The following HERC4 variants were observed in gnomAD, a reference collection of about 807,000 sequenced individuals.
HERC4 encodes probable E3 ubiquitin-protein ligase HERC4.
HERC4 carries 28 observed loss-of-function variants against 124.3 expected under a neutral mutation model. That is an observed-to-expected ratio of 0.23 (90% CI 0.17 to 0.31). The LOEUF (loss-of-function observed/expected upper bound fraction) is 0.31. Among genes scored for constraint, HERC4 ranks in the 10% least tolerant of loss-of-function variants. The pLI, the probability that HERC4 is intolerant of heterozygous loss-of-function variation, is 1.00. For missense variants in HERC4, 713 were observed against 1,229.3 expected (o/e 0.58, Z 6.28); for synonymous variants, 407 against 421.5 (o/e 0.97, Z 0.42).
At chr10:68,048,032 C>A in intron 3 of HERC4, among the ~76,000 whole-genome samples, 1 of 151,978 alleles carries the variant, frequency 6.6e-6, no homozygotes, top group African/African-American at 2.4e-5. Flanking sequence ...AATCCTCCCA[C>A]CTCAGCCTCC....
intron 15 of HERC4, 95 bp downstream of exon 15, chr10:67,988,568 A>C (rs1180601842): frequency 1.2e-6 from 1 of 850,692 alleles, no homozygotes; most frequent in East Asian, 2.9e-5. Context: ...TGTTTTTGCC[A>C]ATCTAAATCT....
chr10:68,029,379 G>T (rs146874002), intron 7 of HERC4, among the ~76,000 whole-genome samples: 2,505 of 151,926 alleles, frequency 0.016, 74 homozygotes, highest in African/African-American at 0.057. Context: ...GTAGTCCCAG[G>T]TACTCAGGAG....
At position 68,018,326 on chromosome 10, in the gene HERC4, A is replaced by G. The variant is rs532307870; in HGVS notation, c.909-4140T>C. Among the ~76,000 whole-genome samples the G allele has an allele frequency of 3.9e-5, 6 of 152,270 alleles. No individual in the cohort carries two copies. In the East Asian group the frequency reaches 1.2e-3, roughly 29 times the overall value. On this transcript the variant is annotated intron_variant, in intron 8 of 24. Coordinates refer to ENST00000373700, the MANE Select transcript of HERC4 (RefSeq NM_015601.4). ...CAGAAAAAACAACATTAAAAACTTA[A>G]CATCCATTCACAATAAAAAAAACTA...
At chr10:68,069,599 T>A (rs1367931468) in intron 3 of HERC4, 1 of 985,262 alleles carries the variant, frequency 1.0e-6, no homozygotes, top group Non-Finnish European at 1.2e-6. Context: ...TTATTATGAA[T>A]CTCGAGAATA....
At chr10:68,038,980 T>C (rs771896969) in intron 4 of HERC4, among the ~76,000 whole-genome samples, 28 of 151,982 alleles carry the variant, frequency 1.8e-4, no homozygotes, top group Non-Finnish European at 7.4e-5. Context: ...GTTACTGTTT[T>C]TCCTGAATGA....
chr10:68,070,959 G>A (rs139661723), intron 3 of HERC4, among the ~76,000 whole-genome samples: 27 of 152,304 alleles, frequency 1.8e-4, no homozygotes, highest in African/African-American at 6.3e-4. Flanking sequence ...GGCTCAAAGT[G>A]CATGGCACAT....
rs151059101 is a variant in HERC4 at position 68,071,293 on chromosome 10, G to A, written c.226+1590C>T. On this transcript the variant is annotated intron_variant, in intron 3 of 24. Transcript: ENST00000373700. ...TCAGAATCTCATCTATACAGTTGGA[G>A]GCTGTTCCTGGCACTATAATCATTA... Among the ~76,000 whole-genome samples, 501 of 152,280 alleles carry A rather than the reference G, an allele frequency of 3.3e-3. 1 individual carries two copies. The highest frequency in any genetic ancestry group is 7.0e-3 in the Admixed American group (107 of 15,300).
intron 15 of HERC4, among the ~76,000 whole-genome samples, chr10:67,983,942 A>C (rs1372118552): frequency 1.3e-5 from 2 of 152,058 alleles, no homozygotes; most frequent in Non-Finnish European, 2.9e-5. Context: ...CAGCCCTGGC[A>C]ATAGAGCAAG....
chr10:67,960,944 G>T, intron 16 of HERC4: 1 of 341,202 alleles, frequency 2.9e-6, no homozygotes, highest in South Asian at 2.7e-5. Flanking sequence ...CAAGTCACTT[G>T]TCTGAACCTC....
At chr10:68,047,226 G>A (rs1170665344) in intron 3 of HERC4, among the ~76,000 whole-genome samples, 2 of 149,546 alleles carry the variant, frequency 1.3e-5, no homozygotes, top group African/African-American at 2.5e-5. Context: ...TCAGTAATTC[G>A]CATGACAAGT....
chr10:68,033,825 T>G, intron 6 of HERC4, 140 bp downstream of exon 6: 1 of 651,632 alleles, frequency 1.5e-6, no homozygotes, highest in South Asian at 2.2e-5. Flanking sequence ...ATTCCCCAAA[T>G]GGAATTTTTA....
intron 3 of HERC4, chr10:68,069,056 A>G (rs1438562386): frequency 2.0e-6 from 2 of 984,614 alleles, no homozygotes; most frequent in Non-Finnish European, 2.4e-6. Flanking sequence ...AGAACAGTTT[A>G]GTACTGTTTC....
At chr10:68,070,992 C>G (rs780841600) in intron 3 of HERC4, among the ~76,000 whole-genome samples, 7 of 152,184 alleles carry the variant, frequency 4.6e-5, no homozygotes, top group Non-Finnish European at 1.0e-4. Flanking sequence ...CCAGTTCTCT[C>G]CAGTTGTTCA....
At chr10:68,011,991 C>T (rs796649008) in intron 9 of HERC4, among the ~76,000 whole-genome samples, 5 of 152,338 alleles carry the variant, frequency 3.3e-5, no homozygotes, top group African/African-American at 1.2e-4. Flanking sequence ...GTAGCATATA[C>T]ATCAGTACTT....
intron 8 of HERC4, among the ~76,000 whole-genome samples, chr10:68,019,745 C>G (rs1161840061): frequency 6.6e-6 from 1 of 152,172 alleles, no homozygotes; most frequent in Non-Finnish European, 1.5e-5. Context: ...TGTAATGCAG[C>G]CATGAACAGC....
At chr10:68,031,114 C>T (rs1216615945) in intron 7 of HERC4, among the ~76,000 whole-genome samples, 1 of 151,656 alleles carries the variant, frequency 6.6e-6, no homozygotes, top group East Asian at 1.9e-4. Flanking sequence ...TAATGTACAC[C>T]CAAAATTCCA....
Position 68,040,227 on chromosome 10 carries a change from A to G in HERC4, c.387-2058T>C, listed in dbSNP as rs368597602. ...ACTCTCCTTTCCAAAATACTAACCT[A>G]AGGCTTGTAACACACATTAAATGCT... On this transcript the variant is annotated intron_variant, in intron 4 of 24. Transcript: ENST00000373700. The G allele has an allele frequency of 1.4e-5, 14 of 982,310 alleles. No individual in the cohort carries two copies. The East Asian group carries it at 3.4e-4, about 24-fold the overall frequency. 60.8% of individuals were successfully genotyped at this position (982,310 alleles called of 1,614,324 possible).
intron 15 of HERC4, among the ~76,000 whole-genome samples, chr10:67,967,983 T>G (rs186484438): frequency 2.0e-5 from 3 of 152,038 alleles, no homozygotes; most frequent in African/African-American, 7.2e-5. Flanking sequence ...GGCAGAATAC[T>G]TTGTATCAGA....
At chr10:67,929,267 T>C (rs2031509763) in intron 23 of HERC4, among the ~76,000 whole-genome samples, 1 of 152,192 alleles carries the variant, frequency 6.6e-6, no homozygotes, top group Non-Finnish European at 1.5e-5. Flanking sequence ...TCTAAGCACA[T>C]GTGCAGATCT....
Sources: allele counts gnomAD v4.1 joint callset (sites outside exome capture counted in the v4.1 genomes callset), GRCh38; gene constraint gnomAD v4.1.1; transcripts MANE v1.5; gene names NCBI Gene and HGNC (gene_info 2026-07-23, HGNC 2026-07-21).